ZPBP: variants seen among roughly 807,000 people sequenced by gnomAD.
ZPBP encodes the protein zona pellucida binding protein.
Under a neutral mutation model 44.8 loss-of-function variants are expected in ZPBP, and 26 were observed. The ratio of observed to expected loss-of-function variants is 0.58; its 90% CI spans 0.43 to 0.81. ZPBP has a LOEUF of 0.81. Among genes scored for constraint, ZPBP ranks in the 30% least tolerant of loss-of-function variants. The pLI, the probability that ZPBP is intolerant of heterozygous loss-of-function variation, is 0.00. For synonymous variants in ZPBP, 174 were observed against 153.2 expected, an observed-to-expected ratio of 1.14 and a Z score of -1.00; for missense variants, 409 against 434.0, an observed-to-expected ratio of 0.94 and a Z score of 0.51.
intron 3 of ZPBP, among the ~76,000 whole-genome samples, chr7:50,062,814 G>A (rs1801308852): frequency 6.6e-6 from 1 of 152,164 alleles, no homozygotes; most frequent in Non-Finnish European, 1.5e-5. Context: ...ACAAAAATCA[G>A]ATGAGCACTC....
chr7:50,085,679 C>A (rs558442447), intron 2 of ZPBP, among the ~76,000 whole-genome samples: 1 of 152,158 alleles, frequency 6.6e-6, no homozygotes, highest in South Asian at 2.1e-4. Context: ...AGCCTTTTCC[C>A]CAAAAGAATT....
the ZPBP span, among the ~76,000 whole-genome samples, chr7:49,844,319 T>C: frequency 6.6e-6 from 1 of 152,198 alleles, no homozygotes; most frequent in African/African-American, 2.4e-5. Context: ...AGTATTTACA[T>C]TTGGAAATGT....
At chr7:50,052,625 T>A (rs1800749783) in intron 4 of ZPBP, among the ~76,000 whole-genome samples, 1 of 152,144 alleles carries the variant, frequency 6.6e-6, no homozygotes, top group African/African-American at 2.4e-5. Context: ...AATAAATACT[T>A]ATGTCTATAG....
At chr7:49,973,828 A>T (rs1796394268) in intron 7 of ZPBP, among the ~76,000 whole-genome samples, 1 of 152,152 alleles carries the variant, frequency 6.6e-6, no homozygotes, top group South Asian at 2.1e-4. Context: ...GTATATATGC[A>T]AATATTTGAA....
chr7:50,020,214 A>G (rs1400917801), intron 5 of ZPBP, among the ~76,000 whole-genome samples: 1 of 152,106 alleles, frequency 6.6e-6, no homozygotes, highest in Admixed American at 6.6e-5. Flanking sequence ...TGCATCATAA[A>G]ATGATTATGA....
At chr7:49,855,480 T>C (rs1386601802) in intron 2 of ZPBP, among the ~76,000 whole-genome samples, 1 of 152,104 alleles carries the variant, frequency 6.6e-6, no homozygotes, top group Non-Finnish European at 1.5e-5. Context: ...GGTTTGGGTA[T>C]TTCCCAGGTG....
chr7:49,882,033 C>G (rs921668760), intron 2 of ZPBP, among the ~76,000 whole-genome samples: 9 of 151,834 alleles, frequency 5.9e-5, no homozygotes, highest in African/African-American at 2.2e-4. Flanking sequence ...ACCCAAGCGC[C>G]ATCTGCCAGC....
chr7:49,938,950 C>T (rs1458601719), intron 7 of ZPBP, among the ~76,000 whole-genome samples: 1 of 151,976 alleles, frequency 6.6e-6, no homozygotes, highest in African/African-American at 2.4e-5. Flanking sequence ...AAATATTTGC[C>T]ATTCTATGTT....
chr7:50,006,124 C>T (rs1287657747), intron 6 of ZPBP, among the ~76,000 whole-genome samples: 2 of 151,650 alleles, frequency 1.3e-5, no homozygotes, highest in Admixed American at 6.6e-5. Context: ...ATACACCAAA[C>T]GTGAGAACGC....
chr7:50,012,639 G>A (rs1483883663), intron 6 of ZPBP, among the ~76,000 whole-genome samples: 2 of 149,808 alleles, frequency 1.3e-5, no homozygotes, highest in African/African-American at 4.9e-5. Flanking sequence ...ATTGGGAATA[G>A]AAGAGAACTT....
chr7:49,988,401 A>G (rs979510323), intron 6 of ZPBP, among the ~76,000 whole-genome samples: 1 of 152,148 alleles, frequency 6.6e-6, no homozygotes, highest in African/African-American at 2.4e-5. Flanking sequence ...AAACAAGATT[A>G]TTTGACATGT....
intron 7 of ZPBP, among the ~76,000 whole-genome samples, chr7:49,964,325 A>G (rs1795977600): frequency 6.6e-6 from 1 of 151,972 alleles, no homozygotes; most frequent in Admixed American, 6.6e-5. Context: ...TAGACAACAT[A>G]AAGTTTAAAT....
At chr7:50,005,058 A>C (rs557107670) in intron 6 of ZPBP, among the ~76,000 whole-genome samples, 3 of 109,890 alleles carry the variant, frequency 2.7e-5, no homozygotes, top group Admixed American at 2.4e-4. Context: ...AAGGCAAGAG[A>C]AACTCTGTAA....
intron 2 of ZPBP, among the ~76,000 whole-genome samples, chr7:49,861,271 G>A: frequency 6.6e-6 from 1 of 152,110 alleles, no homozygotes; most frequent in East Asian, 1.9e-4. Flanking sequence ...ATGACATTGG[G>A]CATTTTTTCA....
At chr7:50,037,953 T>C (rs1799893973) in intron 4 of ZPBP, among the ~76,000 whole-genome samples, 1 of 152,158 alleles carries the variant, frequency 6.6e-6, no homozygotes, top group Admixed American at 6.5e-5. Context: ...CAGGTGAATC[T>C]GGCTGAGAGG....
chr7:50,064,665 C>A (rs1179359392), intron 3 of ZPBP, among the ~76,000 whole-genome samples: 1 of 152,228 alleles, frequency 6.6e-6, no homozygotes, highest in East Asian at 1.9e-4. Flanking sequence ...AAATATGGCT[C>A]TGTTCCGCCC....
At chr7:49,863,758 C>G (rs948097140) in intron 2 of ZPBP, among the ~76,000 whole-genome samples, 3 of 152,046 alleles carry the variant, frequency 2.0e-5, no homozygotes, top group African/African-American at 7.2e-5. Flanking sequence ...TTTTGTTTAT[C>G]CTGTGCTAAT....
chr7:49,935,185 A>C (rs1794579033), downstream of ZPBP, among the ~76,000 whole-genome samples: 1 of 152,164 alleles, frequency 6.6e-6, no homozygotes, highest in African/African-American at 2.4e-5. Context: ...AATTTAAAAA[A>C]TTATTAAGGA....
At chr7:50,029,054 T>C (rs936126651) in intron 5 of ZPBP, among the ~76,000 whole-genome samples, 2 of 152,048 alleles carry the variant, frequency 1.3e-5, no homozygotes, top group South Asian at 4.1e-4. Flanking sequence ...AAGAACAAAA[T>C]TGGAGGCACT....
Sources: gnomAD v4.1 joint callset for allele counts (sites outside exome capture counted in the v4.1 genomes callset) on GRCh38, gnomAD v4.1.1 for gene constraint, MANE v1.5 for transcripts, NCBI Gene and HGNC (gene_info 2026-07-23, HGNC 2026-07-21) for gene names.